RARB: variants seen among roughly 807,000 people sequenced by gnomAD.
RARB encodes retinoic acid receptor beta.
A neutral mutation model predicts 51.9 loss-of-function variants in RARB; 17 were observed. That is an observed-to-expected ratio of 0.33 (90% CI 0.22 to 0.49). The LOEUF is 0.49. Ranked by LOEUF, RARB falls within the 20% of genes least tolerant of loss-of-function variation. The pLI is 0.99. For missense variants in RARB, 369 were observed against 550.8 expected (o/e 0.67, Z 3.30); for synonymous variants, 215 against 195.4 (o/e 1.10, Z -0.84).
chr3:25,343,410 T>A (rs1705292592), intron 5 of RARB, among the ~76,000 whole-genome samples: 1 of 152,094 alleles, frequency 6.6e-6, no homozygotes, highest in African/African-American at 2.4e-5. Flanking sequence ...AGAGATGTAA[T>A]TGAAGTCTGG....
At chr3:25,050,799 T>C (rs1394867361) in intron 2 of RARB, among the ~76,000 whole-genome samples, 1 of 152,214 alleles carries the variant, frequency 6.6e-6, no homozygotes, top group Non-Finnish European at 1.5e-5. Context: ...ATTCAACACT[T>C]ATGAATATGC....
chr3:25,485,778 C>T (rs1365645031), intron 2 of RARB, among the ~76,000 whole-genome samples: 2 of 152,194 alleles, frequency 1.3e-5, no homozygotes, highest in Non-Finnish European at 2.9e-5. Context: ...TCCTCTCTCA[C>T]TCTGGTTCCC....
intron 5 of RARB, among the ~76,000 whole-genome samples, chr3:25,201,075 C>T (rs551116906): frequency 3.3e-5 from 5 of 152,156 alleles, no homozygotes; most frequent in Non-Finnish European, 7.4e-5. Flanking sequence ...TACCCATGAG[C>T]ATGGAATGTT....
rs141911131 is a variant in RARB, at chr3:24,983,485, T to G, written c.-379-76640T>G. ...GCACCTATCAACCTGTCATCTAGGTTTTAAGCCCTACATGCATTAGTATTT... is the reference window on the plus strand; with the variant it reads ...GCACCTATCAACCTGTCATCTAGGTGTTAAGCCCTACATGCATTAGTATTT... On this transcript the variant is annotated intron_variant, in intron 2 of 11. Transcript: ENST00000383772. 7.6e-3 allele frequency among the ~76,000 whole-genome samples: 1,150 copies of G among 152,184 alleles called. 10 individuals carry two copies. The highest frequency in any genetic ancestry group is 0.025 in the African/African-American group (1,019 of 41,528).
At chr3:25,339,531 G>C (rs75758071) in intron 5 of RARB, among the ~76,000 whole-genome samples, 4 of 151,686 alleles carry the variant, frequency 2.6e-5, no homozygotes, top group Non-Finnish European at 4.4e-5. Flanking sequence ...TGCTGGAATC[G>C]CAAATCGTTT....
intron 3 of RARB, among the ~76,000 whole-genome samples, chr3:25,514,838 A>G (rs78637111): frequency 0.017 from 2,531 of 152,364 alleles, 82 homozygotes; most frequent in African/African-American, 0.057. Flanking sequence ...AAGAGAATCA[A>G]GTGAAAGGTA....
intron 2 of RARB, among the ~76,000 whole-genome samples, chr3:25,022,392 A>C (rs553471149): frequency 4.2e-4 from 64 of 152,300 alleles, no homozygotes; most frequent in African/African-American, 1.5e-3. Flanking sequence ...AGACACATCC[A>C]TATTTTTGTG....
intron 4 of RARB, among the ~76,000 whole-genome samples, chr3:25,578,051 C>T (rs946034042): frequency 1.3e-5 from 2 of 152,186 alleles, no homozygotes; most frequent in Non-Finnish European, 2.9e-5. Context: ...CAGCAAGGGT[C>T]ACTCCTCACC....
intron 4 of RARB, among the ~76,000 whole-genome samples, chr3:25,149,993 G>A (rs1420868090): frequency 6.6e-6 from 1 of 152,048 alleles, no homozygotes; most frequent in African/African-American, 2.4e-5. Context: ...CCTGAGGTCA[G>A]GAGTTTGAGA....
chr3:25,573,467 TG>T (rs1700792363), intron 4 of RARB, among the ~76,000 whole-genome samples: 1 of 152,228 alleles, frequency 6.6e-6, no homozygotes, highest in Admixed American at 6.5e-5. Context: ...CCTTCACTAC[TG>T]GGCATCCTTC....
chr3:25,408,380 C>T (rs1005863213), intron 5 of RARB, among the ~76,000 whole-genome samples: 4 of 151,918 alleles, frequency 2.6e-5, no homozygotes, highest in African/African-American at 7.3e-5. Flanking sequence ...TTCCTATGGC[C>T]AAGCAGGAGA....
chr3:24,830,076 G>A (rs1702259615), intron 1 of RARB, among the ~76,000 whole-genome samples: 1 of 152,148 alleles, frequency 6.6e-6, no homozygotes, highest in Admixed American at 6.5e-5. Flanking sequence ...GGGGCTTGGC[G>A]CCGGACACAG....
At chr3:24,932,097 A>C (rs953127124) in intron 2 of RARB, among the ~76,000 whole-genome samples, 1 of 152,058 alleles carries the variant, frequency 6.6e-6, no homozygotes, top group African/African-American at 2.4e-5. Flanking sequence ...TTGGAAGAAA[A>C]AGTGTTTTGA....
intron 2 of RARB, among the ~76,000 whole-genome samples, chr3:25,004,279 G>C (rs1428210306): frequency 6.6e-6 from 1 of 152,118 alleles, no homozygotes; most frequent in Non-Finnish European, 1.5e-5. Context: ...TGCTCAAAAA[G>C]AGAAAAATCA....
intron 5 of RARB, among the ~76,000 whole-genome samples, chr3:25,588,638 C>T (rs1475457468): frequency 2.0e-5 from 3 of 152,170 alleles, no homozygotes; most frequent in Non-Finnish European, 4.4e-5. Flanking sequence ...CGGTATCTGT[C>T]ATGAAATAGC....
At chr3:25,006,171 TCTCTCTCC>T (rs1697268747) in intron 2 of RARB, among the ~76,000 whole-genome samples, 1 of 152,130 alleles carries the variant, frequency 6.6e-6, no homozygotes, top group Non-Finnish European at 1.5e-5. Flanking sequence ...TCCAGCTTAC[TCTCTCTCC>T]CTTTACATTG....
At chr3:25,305,081 A>G (rs2125429735) in intron 5 of RARB, among the ~76,000 whole-genome samples, 1 of 152,266 alleles carries the variant, frequency 6.6e-6, no homozygotes, top group South Asian at 2.1e-4. Context: ...TTGAACCACG[A>G]GAGAGCCCAT....
chr3:25,331,609 A>C lies in RARB; in HGVS notation c.179-129584A>C, dbSNP rs148783133. Among the ~76,000 whole-genome samples, 157 of 152,350 alleles carry C rather than the reference A, an allele frequency of 1.0e-3. 1 individual carries two copies. The East Asian group carries it at 0.027, about 26-fold the overall frequency. On this transcript the variant is annotated intron_variant, in intron 5 of 11. Coordinates refer to the RARB transcript ENST00000383772. The stretch of plus-strand genomic sequence containing the variant: ...AAATTGACACCCTAACATCACAATT[A>C]AAAGAACTGAGAAGCAAGAGCAGAC...
intron 3 of RARB, among the ~76,000 whole-genome samples, chr3:25,078,214 C>T (rs1163252796): frequency 2.6e-5 from 4 of 152,014 alleles, no homozygotes; most frequent in Non-Finnish European, 4.4e-5. Context: ...TCAAAGGATA[C>T]AAAAATATTT....
Sources: gnomAD v4.1 joint callset for allele counts (sites outside exome capture counted in the v4.1 genomes callset) on GRCh38, gnomAD v4.1.1 for gene constraint, MANE v1.5 for transcripts, NCBI Gene and HGNC (gene_info 2026-07-23, HGNC 2026-07-21) for gene names.